INTU: variants seen among roughly 807,000 people sequenced by gnomAD.
The protein encoded by INTU is protein inturned.
Under a neutral mutation model 100.5 loss-of-function variants are expected in INTU, and 68 were observed. The ratio of observed to expected loss-of-function variants is 0.68; its 90% CI spans 0.56 to 0.83. The LOEUF is 0.83. INTU is among the 40% of genes least tolerant of loss of function. INTU has a pLI of 0.00. For synonymous variants in INTU, 357 were observed against 395.7 expected, an observed-to-expected ratio of 0.90 and a Z score of 1.16; for missense variants, 1,071 against 1,114.7, an observed-to-expected ratio of 0.96 and a Z score of 0.56.
intron 2 of INTU, 55 bp downstream of exon 2, chr4:127,644,111 G>A: frequency 1.3e-6 from 2 of 1,523,304 alleles, no homozygotes; most frequent in South Asian, 1.3e-5. Context: ...GATTAATGAT[G>A]ACACCTTGCG....
At chr4:127,689,620 G>T (rs1730011015) in intron 8 of INTU, among the ~76,000 whole-genome samples, 2 of 151,840 alleles carry the variant, frequency 1.3e-5, no homozygotes, top group Admixed American at 1.3e-4. Flanking sequence ...AGCTATGATT[G>T]CACCACTGCA....
chr4:127,633,080 C>T lies in INTU; in HGVS notation c.46C>T (p.Leu16Phe), dbSNP rs963953486. 1.9e-6 allele frequency: 3 copies of T among 1,613,886 alleles called. No individual in the cohort carries two copies. The highest frequency in any genetic ancestry group is 1.1e-5 in the South Asian group (1 of 91,072). ...CGATTCGCGTCCGAGCTCAGACGAG[C>T]TCCCTGGAGACCCCTCTTCACAAGA... The part of the protein sequence containing the change: ...SCDSRPSSDE[L>F]PGDPSSQEED... Residue 16 changes from leucine (L) to phenylalanine (F), a missense_variant, in exon 1 of 16, where the codon CTC becomes TTC. Transcript: ENST00000335251.
intron 1 of INTU, among the ~76,000 whole-genome samples, chr4:127,641,509 C>G (rs1727331791): frequency 6.6e-6 from 1 of 152,140 alleles, no homozygotes; most frequent in South Asian, 2.1e-4. Context: ...CTCTCTCCCT[C>G]CTTCATTTAT....
At chr4:127,650,436 A>G (rs1350443054) in intron 2 of INTU, among the ~76,000 whole-genome samples, 2 of 141,224 alleles carry the variant, frequency 1.4e-5, no homozygotes, top group South Asian at 2.2e-4. Context: ...ATGTGATCTC[A>G]TTCTTCAATT....
At chr4:127,647,374 G>A (rs1408547968) in intron 2 of INTU, among the ~76,000 whole-genome samples, 1 of 152,180 alleles carries the variant, frequency 6.6e-6, no homozygotes, top group African/African-American at 2.4e-5. Flanking sequence ...CCAGCTTTCA[G>A]AGGCTACCTG....
rs374836362 is a variant in INTU, at chr4:127,718,554, ACT to A, written c.*2121_*2122del. On this transcript the variant is annotated 3_prime_UTR_variant, in exon 16 of 16. Coordinates refer to ENST00000335251, the MANE Select transcript of INTU (RefSeq NM_015693.4). ...TGGTAGTTTAATGGGAATAACATTG[ACT>A]CTATAAATTACTTTGGGCAGTATGG... 287 of 151,824 alleles carry A rather than the reference ACT, an allele frequency of 1.9e-3. 1 individual carries two copies. Among genetic ancestry groups the A allele is most frequent in the African/African-American group, 6.5e-3 (270 of 41,368 alleles). 9.4% of individuals were successfully genotyped at this position (151,824 alleles called of 1,614,324 possible). A position where few individuals can be genotyped will look rare whatever the true frequency, so the allele number is the denominator to read the frequency against.
chr4:127,706,363 A>G (rs1184622943), intron 11 of INTU, 124 bp from the exon 12 acceptor site: 1 of 789,162 alleles, frequency 1.3e-6, no homozygotes, highest in Non-Finnish European at 1.9e-6. Flanking sequence ...GGAATTTTTA[A>G]TAATCATCAC....
Position 127,644,037 on chromosome 4 carries a change from G to A in INTU, c.663G>A (p.Lys221=), listed in dbSNP as rs781529517. The A allele has an allele frequency of 6.2e-7, 1 of 1,613,864 alleles. No homozygotes were observed. ...TGCTGCCAGGGGGATCTGCTATGAA[G>A]AGCGGTCAGGTACTCATTGGTAAGT... is the stretch of plus-strand genomic sequence containing the variant. ...HGLLPGGSAM[K]SGQVLIGDVL... is the part of the protein sequence containing the mutation. Residue 221 remains lysine (K), a synonymous_variant, in exon 2 of 16, where the codon AAG becomes AAA. Coordinates refer to ENST00000335251, the MANE Select transcript of INTU (RefSeq NM_015693.4).
intron 9 of INTU, 95 bp downstream of exon 9, chr4:127,700,158 A>T (rs539720006): frequency 2.9e-6 from 3 of 1,023,628 alleles, no homozygotes; most frequent in South Asian, 1.6e-5. Context: ...ATATATAATA[A>T]TCTTGAAATA....
intron 6 of INTU, among the ~76,000 whole-genome samples, chr4:127,677,084 G>C (rs564711454): frequency 1.3e-5 from 2 of 152,184 alleles, no homozygotes; most frequent in Non-Finnish European, 2.9e-5. Flanking sequence ...CTTAGGTAAA[G>C]AAAGCAGCCG....
At chr4:127,681,598 T>G (rs1250463435) in intron 6 of INTU, among the ~76,000 whole-genome samples, 1 of 152,066 alleles carries the variant, frequency 6.6e-6, no homozygotes, top group African/African-American at 2.4e-5. Flanking sequence ...ATACAAAAAT[T>G]AATTCAAGAT....
chr4:127,643,676 A>G lies in INTU; in HGVS notation c.302A>G (p.Tyr101Cys), dbSNP rs768659990. 2.5e-6 allele frequency: 4 copies of G among 1,613,338 alleles called. No homozygotes were observed. The Admixed American group carries it at 5.0e-5, about 20-fold the overall frequency. ...AATGAGATTATCATTGAAGATGACT[A>G]CAAAGAAAGAAAAAAGTATGAACCC... ...SENEIIIEDDYKERKKYEPKL... is the reference protein window; with the variant it reads ...SENEIIIEDDCKERKKYEPKL... The change falls in exon 2 of 16, where the codon TAC becomes TGC. Residue 101 changes from tyrosine to cysteine, a missense_variant. Transcript: ENST00000335251.
Position 127,700,069 on chromosome 4 carries a change from G to A in INTU, c.1503+6G>A. ...CTGCAGATTTTGCAGAACTGGTAAG[G>A]GAAGGAGTGGATTTTATAAAAGGCT... On this transcript the variant is annotated splice_donor_region_variant and intron_variant, in intron 9 of 15. Transcript: ENST00000335251. 1.3e-6 allele frequency: 2 copies of A among 1,597,274 alleles called. No individual in the cohort carries two copies. Among genetic ancestry groups the A allele is most frequent in the South Asian group, 1.1e-5 (1 of 88,920 alleles).
chr4:127,657,139 C>G (rs1728267602), intron 3 of INTU, among the ~76,000 whole-genome samples: 1 of 151,980 alleles, frequency 6.6e-6, no homozygotes, highest in Non-Finnish European at 1.5e-5. Flanking sequence ...AAAAACAAAT[C>G]ATACAAGTTT....
chr4:127,689,762 CAAGGG>C lies in INTU; in HGVS notation c.1449+1910_1449+1914del, dbSNP rs938470427. On this transcript the variant is annotated intron_variant, in intron 8 of 15. Transcript: ENST00000335251. ...GGAAAGGAAAGGGGGAGGGAAGAGG[CAAGGG>C]AAGGGAAGGGAAGGATATAAGTGTT... 3.4e-4 allele frequency among the ~76,000 whole-genome samples: 51 copies of C among 151,574 alleles called. 1 individual carries two copies. Among genetic ancestry groups the C allele is most frequent in the Admixed American group, 2.8e-3 (43 of 15,216 alleles).
chr4:127,715,416 C>T (rs1731233870), intron 15 of INTU, among the ~76,000 whole-genome samples: 1 of 152,118 alleles, frequency 6.6e-6, no homozygotes, highest in Admixed American at 6.6e-5. Context: ...ATGTGCTAGT[C>T]CATGGGATTT....
At chr4:127,639,591 A>C (rs1035709340) in intron 1 of INTU, among the ~76,000 whole-genome samples, 1 of 152,154 alleles carries the variant, frequency 6.6e-6, no homozygotes, top group Non-Finnish European at 1.5e-5. Context: ...TTAGAATTCT[A>C]TTAAAATTTC....
chr4:127,650,357 A>G lies in INTU; in HGVS notation c.683-6279A>G, dbSNP rs532997922. Among the ~76,000 whole-genome samples the G allele has an allele frequency of 9.7e-4, 137 of 141,162 alleles. 1 individual carries two copies. The highest frequency in any genetic ancestry group is 3.1e-3 in the African/African-American group (115 of 36,952). 92.6% of individuals were successfully genotyped at this position (141,162 alleles called of 152,430 possible). On this transcript the variant is annotated intron_variant, in intron 2 of 15. Coordinates refer to ENST00000335251, the MANE Select transcript of INTU (RefSeq NM_015693.4). Reference sequence around the variant, plus strand: ...CATCTAGCATTAGGTATATCTCCCAATGCTATCCCTCCCCCCTCCCCCCAC... The same window carrying G: ...CATCTAGCATTAGGTATATCTCCCAGTGCTATCCCTCCCCCCTCCCCCCAC...
Position 127,706,980 on chromosome 4 carries a change from A to AT in INTU, c.2271+13dup. On this transcript the variant is annotated intron_variant, in intron 12 of 15. Transcript: ENST00000335251. The stretch of plus-strand genomic sequence containing the variant: ...GGGACCTTGCTTAAGGTGTGTGCTT[A>AT]TTCAAGTGTGTATGTTCTGGGAGCT... The AT allele has an allele frequency of 6.2e-7, 1 of 1,602,958 alleles. No individual in the cohort carries two copies. The highest frequency in any genetic ancestry group is 8.5e-7 in the Non-Finnish European group (1 of 1,174,128).
Sources: gnomAD v4.1 joint callset for allele counts (sites outside exome capture counted in the v4.1 genomes callset) on GRCh38, gnomAD v4.1.1 for gene constraint, MANE v1.5 for transcripts, NCBI Gene and HGNC (gene_info 2026-07-23, HGNC 2026-07-21) for gene names.